Variants in DIP2A observed in about 807,000 individuals in gnomAD.
The protein encoded by DIP2A is disco-interacting protein 2 homolog A.
In DIP2A, 85 loss-of-function variants were observed where a neutral mutation model predicts 177.4. The ratio of observed to expected loss-of-function variants is 0.48; its 90% confidence interval spans 0.40 to 0.57. DIP2A has a LOEUF of 0.57. Ranked by LOEUF, DIP2A falls within the 20% of genes least tolerant of loss-of-function variation. The probability of loss-of-function intolerance (pLI) is 0.00; values close to 1 mark genes in which losing one functional copy is unlikely to be tolerated. For missense variants in DIP2A, 1,791 were observed against 2,100.2 expected, an observed-to-expected ratio of 0.85 and a Z score of 2.88; for synonymous variants, 886 against 881.8, an observed-to-expected ratio of 1.00 and a Z score of -0.08.
chr21:46,499,883 GC>G (rs1187912139), intron 5 of DIP2A, among the ~76,000 whole-genome samples: 1 of 152,174 alleles, frequency 6.6e-6, no homozygotes, highest in African/African-American at 2.4e-5. Flanking sequence ...AAGTGGTGAA[GC>G]CAGGGCTGAT....
intron 5 of DIP2A, among the ~76,000 whole-genome samples, chr21:46,499,371 T>A (rs2057530968): frequency 6.6e-6 from 1 of 152,198 alleles, no homozygotes; most frequent in African/African-American, 2.4e-5. Flanking sequence ...CACACATCCA[T>A]ACCTGCTGGT....
downstream of DIP2A, among the ~76,000 whole-genome samples, chr21:46,570,519 T>C (rs2060950165): frequency 6.6e-6 from 1 of 152,234 alleles, no homozygotes; most frequent in African/African-American, 2.4e-5. Flanking sequence ...AACCTCCATA[T>C]ACTTCTTACT....
intron 10 of DIP2A, 51 bp downstream of exon 10, chr21:46,532,288 C>T: frequency 2.1e-6 from 3 of 1,446,038 alleles, no homozygotes; most frequent in Non-Finnish European, 2.9e-6. Flanking sequence ...GAACTTGATA[C>T]CAGCAGTATC....
At chr21:46,571,238 G>A (rs561224604), downstream of DIP2A, among the ~76,000 whole-genome samples, 2 of 152,314 alleles carry the variant, frequency 1.3e-5, no homozygotes, top group South Asian at 4.1e-4. Flanking sequence ...AGGTGGGACA[G>A]TTCCATTCCA....
chr21:46,555,742 C>T (rs1419211368), intron 28 of DIP2A: 14 of 536,376 alleles, frequency 2.6e-5, no homozygotes, highest in East Asian at 1.3e-4. Flanking sequence ...CGCCCTGCCT[C>T]GTCCCCCATC....
chr21:46,565,679 AAC>A, intron 35 of DIP2A, 32 bp from the exon 36 acceptor site: 1 of 1,585,864 alleles, frequency 6.3e-7, no homozygotes, highest in Non-Finnish European at 8.6e-7. Context: ...GGTGGTTGGT[AAC>A]ACATCACATT....
intron 17 of DIP2A, 59 bp downstream of exon 17, chr21:46,540,050 G>T: frequency 7.1e-7 from 1 of 1,407,328 alleles, no homozygotes; most frequent in Non-Finnish European, 1.0e-6. Context: ...GCATACAGCT[G>T]AGTTATCCTG....
intron 17 of DIP2A, 114 bp from the exon 18 acceptor site, chr21:46,541,642 C>A: frequency 8.0e-7 from 1 of 1,255,622 alleles, no homozygotes; most frequent in Non-Finnish European, 1.1e-6. Context: ...TCTCACAAGT[C>A]TGTAACATGG....
At chr21:46,510,857 T>G (rs1196874644) in intron 7 of DIP2A, among the ~76,000 whole-genome samples, 1 of 152,018 alleles carries the variant, frequency 6.6e-6, no homozygotes, top group African/African-American at 2.4e-5. Context: ...ATGGTCTCGA[T>G]CTCCTGACCT....
intron 21 of DIP2A, among the ~76,000 whole-genome samples, chr21:46,548,810 C>T (rs1271090660): frequency 1.3e-5 from 2 of 152,112 alleles, no homozygotes; most frequent in Admixed American, 6.5e-5. Flanking sequence ...AAGTGGTCCA[C>T]AGAGGGCCCC....
downstream of DIP2A, among the ~76,000 whole-genome samples, chr21:46,574,290 G>T (rs1370927369): frequency 6.6e-6 from 1 of 152,006 alleles, no homozygotes; most frequent in Non-Finnish European, 1.5e-5. Context: ...AAAATACTTG[G>T]AAATAAAAAC....
At chr21:46,570,076 G>T (rs1307493851), downstream of DIP2A, among the ~76,000 whole-genome samples, 3 of 152,282 alleles carry the variant, frequency 2.0e-5, no homozygotes, top group African/African-American at 7.2e-5. Flanking sequence ...ATGAGTAAAT[G>T]TAGTATTTGC....
In DIP2A at chr21:46,537,746, A is replaced by T. The variant is rs1323514714; in HGVS notation, c.1801+207A>T. 2.0e-5 allele frequency among the ~76,000 whole-genome samples: 3 copies of T among 152,110 alleles called. No individual in the cohort carries two copies. The highest frequency in any genetic ancestry group is 1.3e-4 in the Admixed American group (2 of 15,268). ...CATGGCCCTCAGGGTTTCGTGGGTG[A>T]TGTGGTAAGTAGGGCCACTTGGTGG... On this transcript the variant is annotated intron_variant, in intron 15 of 37. Transcript: ENST00000417564. This position sits in a 1 kb window ranked among gnomAD's most constrained non-coding sequence, Gnocchi z 4.1.
chr21:46,545,316 T>G, intron 19 of DIP2A, 43 bp downstream of exon 19: 1 of 1,570,678 alleles, frequency 6.4e-7, no homozygotes, highest in Non-Finnish European at 8.7e-7. Flanking sequence ...TTAAGTTGCA[T>G]GAGCACTCAT....
intron 8 of DIP2A, among the ~76,000 whole-genome samples, chr21:46,527,300 G>A (rs2059135239): frequency 2.7e-5 from 4 of 148,744 alleles, no homozygotes; most frequent in Admixed American, 2.7e-4. Context: ...TTTTAAAATA[G>A]GCTAAAACAG....
In DIP2A at chr21:46,556,682, C is replaced by CAA. The variant is rs1246910364; in HGVS notation, c.3499-244_3499-243dup. ...TGGGCGACAGAGCAAGACTCTGCCT[C>CAA]AAAAAAAAAAAAAAGAAAAAAATTT... On this transcript the variant is annotated intron_variant, in intron 29 of 37. Transcript: ENST00000417564. The surrounding 1 kb of genome is among the most constrained non-coding windows in gnomAD (Gnocchi z 4.5). 671 of 229,318 alleles carry CAA rather than the reference C, an allele frequency of 2.9e-3. No individual in the cohort carries two copies. Among genetic ancestry groups the CAA allele is most frequent in the East Asian group, 4.4e-3 (56 of 12,604 alleles). The allele number at this position is 229,318 out of a possible 1,614,324, so 14.2% of individuals were successfully genotyped here. A position where few individuals can be genotyped will look rare whatever the true frequency, so the allele number is the denominator to read the frequency against.
At chr21:46,550,478 C>A (rs964397083) in intron 22 of DIP2A, 65 bp from the exon 23 acceptor site, 5 of 1,504,204 alleles carry the variant, frequency 3.3e-6, no homozygotes, top group Non-Finnish European at 4.5e-6. Context: ...TGTTCCTGTC[C>A]CCCACCCAGC....
chr21:46,579,186 G>T, the DIP2A span, among the ~76,000 whole-genome samples: 2 of 152,132 alleles, frequency 1.3e-5, no homozygotes, highest in Admixed American at 6.5e-5. Flanking sequence ...TCAGTCTTAG[G>T]AGGGTCTTTG....
At chr21:46,534,761 T>C (rs1290784075) in intron 13 of DIP2A, 74 bp downstream of exon 13, 73 of 1,353,134 alleles carry the variant, frequency 5.4e-5, no homozygotes, top group Non-Finnish European at 7.3e-5. Flanking sequence ...ATCATGTGAC[T>C]GTCACTGCAC....
Sources: allele counts gnomAD v4.1 joint callset (sites outside exome capture counted in the v4.1 genomes callset), GRCh38; gene constraint gnomAD v4.1.1; non-coding constraint Gnocchi (gnomAD v3.1); transcripts MANE v1.5; gene names NCBI Gene and HGNC (gene_info 2026-07-23, HGNC 2026-07-21).